Variants in WWOX observed in about 807,000 individuals in gnomAD.
The protein encoded by WWOX is WW domain containing oxidoreductase, also known as WW domain-containing oxidoreductase.
Under a neutral mutation model 46.2 loss-of-function variants are expected in WWOX, and 69 were observed. The ratio of observed to expected loss-of-function variants is 1.49; its 90% CI spans 1.23 to 1.82. The LOEUF is 1.82. WWOX is among the 40% of genes most tolerant of loss of function. The pLI is 0.00. For missense variants in WWOX, 919 were observed against 542.6 expected, an observed-to-expected ratio of 1.69 and a Z score of -6.89; for synonymous variants, 359 against 202.6, an observed-to-expected ratio of 1.77 and a Z score of -6.56.
chr16:79,061,048 C>T (rs9972825), intron 8 of WWOX, among the ~76,000 whole-genome samples: 33,228 of 152,126 alleles, frequency 0.22, 5,316 homozygotes, highest in African/African-American at 0.46. Context: ...TATACACTCA[C>T]ATTCATACCA....
chr16:78,695,043 C>T (rs534507501), intron 8 of WWOX, among the ~76,000 whole-genome samples: 1 of 152,170 alleles, frequency 6.6e-6, no homozygotes, highest in African/African-American at 2.4e-5. Flanking sequence ...TTCAAATGCT[C>T]TTCCAATATG....
intron 8 of WWOX, among the ~76,000 whole-genome samples, chr16:78,924,408 A>T (rs2045451432): frequency 6.6e-6 from 1 of 152,222 alleles, no homozygotes. Context: ...ATATTTATTT[A>T]AAAGTCAGAC....
At chr16:78,268,629 T>G (rs978703773) in intron 5 of WWOX, among the ~76,000 whole-genome samples, 1 of 152,190 alleles carries the variant, frequency 6.6e-6, no homozygotes, top group Non-Finnish European at 1.5e-5. Flanking sequence ...AGGTCTGGTT[T>G]CTTGGTTAAA....
chr16:78,753,064 G>A (rs755384115), intron 8 of WWOX, among the ~76,000 whole-genome samples: 3 of 152,300 alleles, frequency 2.0e-5, no homozygotes, highest in Non-Finnish European at 4.4e-5. Context: ...GGAGGCCGAG[G>A]CGGGTGGATC....
chr16:78,568,331 G>A (rs1172115469), intron 8 of WWOX, among the ~76,000 whole-genome samples: 6 of 151,894 alleles, frequency 4.0e-5, no homozygotes, highest in Admixed American at 2.0e-4. Context: ...GCCTGCATGC[G>A]GGAAGAAAAA....
At chr16:78,955,354 G>T (rs2046143969) in intron 8 of WWOX, among the ~76,000 whole-genome samples, 1 of 152,170 alleles carries the variant, frequency 6.6e-6, no homozygotes, top group Non-Finnish European at 1.5e-5. Context: ...GCATTGAGGA[G>T]ATGAGTCAGG....
At chr16:78,894,900 T>A (rs1233983413) in intron 8 of WWOX, among the ~76,000 whole-genome samples, 1 of 152,120 alleles carries the variant, frequency 6.6e-6, no homozygotes, top group African/African-American at 2.4e-5. Context: ...GAATTTTCAA[T>A]CAGAAATTAT....
intron 8 of WWOX, among the ~76,000 whole-genome samples, chr16:78,547,708 C>A (rs960342380): frequency 6.6e-6 from 1 of 152,184 alleles, no homozygotes; most frequent in Non-Finnish European, 1.5e-5. Context: ...AGATGTTCAC[C>A]TCCTTGCTAT....
intron 8 of WWOX, among the ~76,000 whole-genome samples, chr16:78,513,459 C>T (rs1256263533): frequency 6.6e-6 from 1 of 152,154 alleles, no homozygotes; most frequent in Non-Finnish European, 1.5e-5. Context: ...GAGACTCCTT[C>T]AATGGGTAGA....
chr16:79,147,916 A>T (rs1000214160), intron 8 of WWOX, among the ~76,000 whole-genome samples: 1 of 151,872 alleles, frequency 6.6e-6, no homozygotes, highest in Non-Finnish European at 1.5e-5. Context: ...CTCATTTTCT[A>T]TTTGAATTGT....
intron 5 of WWOX, among the ~76,000 whole-genome samples, chr16:78,210,564 A>C (rs1840235312): frequency 6.6e-6 from 1 of 152,048 alleles, no homozygotes; most frequent in Admixed American, 6.6e-5. Context: ...TAAGGAACTA[A>C]ATCCTGCGTT....
chr16:79,136,613 C>A (rs1597407028), intron 8 of WWOX, among the ~76,000 whole-genome samples: 1 of 152,164 alleles, frequency 6.6e-6, no homozygotes, highest in African/African-American at 2.4e-5. Flanking sequence ...CAGAGGAAAG[C>A]TACCTGCCCT....
rs147160487 is a variant in WWOX at position 78,122,247 on chromosome 16, G to T, written c.409+7093G>T. 2.8e-4 allele frequency among the ~76,000 whole-genome samples: 43 copies of T among 152,238 alleles called. No homozygotes were observed. In the East Asian group the frequency reaches 6.2e-3, roughly 22 times the overall value. On this transcript the variant is annotated intron_variant, in intron 4 of 8. Transcript: ENST00000566780. The stretch of plus-strand genomic sequence containing the variant: ...TTGGAACGCATCTCCCGAGGATAAG[G>T]GGGGGCTACTGTCAGTGTGAACCTG...
chr16:78,135,650 A>G (rs944467794), intron 4 of WWOX, among the ~76,000 whole-genome samples: 1 of 152,118 alleles, frequency 6.6e-6, no homozygotes, highest in African/African-American at 2.4e-5. Context: ...AATTACCAAT[A>G]GGCTATGAGA....
At chr16:78,756,220 T>C (rs1215431193) in intron 8 of WWOX, among the ~76,000 whole-genome samples, 2 of 152,196 alleles carry the variant, frequency 1.3e-5, no homozygotes, top group African/African-American at 4.8e-5. Context: ...TTTCTCCCTT[T>C]CCAGCTGGCC....
chr16:78,449,191 C>T (rs982678944), intron 8 of WWOX, among the ~76,000 whole-genome samples: 4 of 152,148 alleles, frequency 2.6e-5, no homozygotes, highest in African/African-American at 9.7e-5. Flanking sequence ...TGGTTCCTTG[C>T]CACGTAGGGA....
intron 8 of WWOX, among the ~76,000 whole-genome samples, chr16:78,557,885 C>A (rs1281301856): frequency 6.6e-6 from 1 of 151,846 alleles, no homozygotes; most frequent in Non-Finnish European, 1.5e-5. Context: ...TTAGTAGAAA[C>A]AGTGTTTCAC....
At chr16:78,819,735 C>G (rs929003944) in intron 8 of WWOX, among the ~76,000 whole-genome samples, 24 of 152,332 alleles carry the variant, frequency 1.6e-4, no homozygotes, top group Middle Eastern at 3.4e-3. Flanking sequence ...TGGGGTTCGC[C>G]TGCCCTGCAT....
At chr16:78,386,318 T>G (rs1371699625) in intron 5 of WWOX, among the ~76,000 whole-genome samples, 1 of 152,216 alleles carries the variant, frequency 6.6e-6, no homozygotes, top group Admixed American at 6.5e-5. Flanking sequence ...CTGGGTTTAC[T>G]AAGCCAGGGT....
Sources: allele counts gnomAD v4.1 joint callset (sites outside exome capture counted in the v4.1 genomes callset), GRCh38; gene constraint gnomAD v4.1.1; transcripts MANE v1.5; gene names NCBI Gene and HGNC (gene_info 2026-07-23, HGNC 2026-07-21).